Variants in DPYD observed in about 807,000 individuals in gnomAD.
DPYD encodes dihydropyrimidine dehydrogenase [NADP(+)].
In DPYD, 109 loss-of-function variants were observed where a neutral mutation model predicts 116.2. The ratio of observed to expected loss-of-function variants is 0.94; its 90% confidence interval spans 0.80 to 1.10. DPYD has a LOEUF of 1.10. Among genes scored for constraint, DPYD ranks in the 50% least tolerant of loss-of-function variants. The pLI, the probability that DPYD is intolerant of heterozygous loss-of-function variation, is 0.00. For missense variants in DPYD, 1,302 were observed against 1,254.5 expected (o/e 1.04, Z -0.57); for synonymous variants, 440 against 432.0 (o/e 1.02, Z -0.23).
intron 13 of DPYD, among the ~76,000 whole-genome samples, chr1:97,507,606 T>C (rs1256236771): frequency 6.6e-6 from 1 of 152,042 alleles, no homozygotes; most frequent in Non-Finnish European, 1.5e-5. Context: ...TGTATTGTAA[T>C]CCATAGAGAA....
At chr1:97,582,075 T>C (rs1473480961) in intron 10 of DPYD, among the ~76,000 whole-genome samples, 1 of 152,226 alleles carries the variant, frequency 6.6e-6, no homozygotes, top group Non-Finnish European at 1.5e-5. Flanking sequence ...ATTGCTATAG[T>C]AAACAAACCT....
intron 16 of DPYD, among the ~76,000 whole-genome samples, chr1:97,369,132 G>A (rs1471125612): frequency 6.6e-6 from 1 of 152,024 alleles, no homozygotes; most frequent in Non-Finnish European, 1.5e-5. Context: ...AGGAAAAGGG[G>A]AAAACCTCAA....
At chr1:97,856,201 C>G (rs1358994245) in intron 2 of DPYD, 1 of 152,158 alleles carries the variant, frequency 6.6e-6, no homozygotes, top group East Asian at 1.9e-4. Context: ...CAGGAAAACG[C>G]ACACAGAAAG....
At chr1:97,298,135 G>A (rs958441316) in intron 18 of DPYD, among the ~76,000 whole-genome samples, 1 of 152,044 alleles carries the variant, frequency 6.6e-6, no homozygotes, top group East Asian at 1.9e-4. Flanking sequence ...TGCTTAAAGC[G>A]TTTGACATTA....
chr1:97,343,422 T>C (rs996996531), intron 16 of DPYD, among the ~76,000 whole-genome samples: 3 of 152,134 alleles, frequency 2.0e-5, no homozygotes, highest in Non-Finnish European at 4.4e-5. Flanking sequence ...TTTAAAAATA[T>C]GCCTTTTGCT....
intron 13 of DPYD, among the ~76,000 whole-genome samples, chr1:97,481,623 C>A (rs952856): frequency 6.6e-6 from 1 of 152,040 alleles, no homozygotes; most frequent in Non-Finnish European, 1.5e-5. Flanking sequence ...AATACCAAAG[C>A]GTTTTCCTTT....
intron 10 of DPYD, among the ~76,000 whole-genome samples, chr1:97,590,461 G>C (rs1021862074): frequency 2.6e-5 from 4 of 152,188 alleles, no homozygotes; most frequent in African/African-American, 9.6e-5. Flanking sequence ...GTGCTAAACA[G>C]GCGGAAGGTA....
intron 11 of DPYD, among the ~76,000 whole-genome samples, chr1:97,569,354 G>C (rs1380716641): frequency 6.7e-6 from 1 of 150,342 alleles, no homozygotes; most frequent in African/African-American, 2.4e-5. Context: ...ATTGAAAATA[G>C]TGTTTAGCAG....
chr1:97,716,025 C>A (rs1017797142), intron 5 of DPYD, among the ~76,000 whole-genome samples: 26 of 152,018 alleles, frequency 1.7e-4, no homozygotes, highest in Admixed American at 1.6e-3. Context: ...TTTGAGTGAA[C>A]AAGTTCCTTC....
chr1:97,593,951 T>G (rs2102255016), intron 9 of DPYD, among the ~76,000 whole-genome samples: 1 of 152,296 alleles, frequency 6.6e-6, no homozygotes, highest in South Asian at 2.1e-4. Flanking sequence ...TCTTTCTCCC[T>G]TTCACTGCTT....
chr1:97,532,429 T>C (rs1649696152), intron 12 of DPYD, among the ~76,000 whole-genome samples: 1 of 152,152 alleles, frequency 6.6e-6, no homozygotes, highest in African/African-American at 2.4e-5. Context: ...TCTTCTACTT[T>C]TTACAAGCCT....
chr1:97,876,812 G>A (rs1434263420), intron 2 of DPYD, among the ~76,000 whole-genome samples: 1 of 152,008 alleles, frequency 6.6e-6, no homozygotes, highest in Non-Finnish European at 1.5e-5. Context: ...CAGAAAAATT[G>A]AAAGGACTTC....
chr1:97,336,795 G>A lies in DPYD; in HGVS notation c.2059-30498C>T, dbSNP rs975191060. Among the ~76,000 whole-genome samples the A allele has an allele frequency of 2.6e-5, 4 of 152,060 alleles. No homozygotes were observed. The East Asian group carries it at 7.7e-4, about 29-fold the overall frequency. On this transcript the variant is annotated intron_variant, in intron 16 of 22. Transcript: ENST00000370192. Reference sequence around the variant, plus strand: ...TATCAAGGAAAGAGATGTGAATCAGGAGCTAGGAAAGCTGAGTTCTACTTC... The same window carrying A: ...TATCAAGGAAAGAGATGTGAATCAGAAGCTAGGAAAGCTGAGTTCTACTTC...
intron 16 of DPYD, among the ~76,000 whole-genome samples, chr1:97,343,283 T>A (rs1348002785): frequency 1.3e-5 from 2 of 152,158 alleles, no homozygotes; most frequent in South Asian, 2.1e-4. Context: ...CAAACAAAGG[T>A]TAATAATAGT....
intron 20 of DPYD, among the ~76,000 whole-genome samples, chr1:97,183,105 T>A (rs376028412): frequency 0.17 from 25,734 of 151,952 alleles, 2,642 homozygotes; most frequent in Middle Eastern, 0.27. Context: ...CATTTTTCCT[T>A]TCCCCAAGGT....
chr1:97,173,455 GTATA>G (rs565445402), intron 20 of DPYD, among the ~76,000 whole-genome samples: 3 of 131,328 alleles, frequency 2.3e-5, no homozygotes, highest in Non-Finnish European at 3.2e-5. Context: ...TGTAAAATGA[GTATA>G]TATATACACA....
chr1:97,803,730 T>C (rs915479337), intron 3 of DPYD, among the ~76,000 whole-genome samples: 2 of 151,886 alleles, frequency 1.3e-5, no homozygotes, highest in African/African-American at 2.4e-5. Flanking sequence ...TCCTTGTATA[T>C]AAAGCAGTCT....
intron 7 of DPYD, chr1:97,691,195 AT>A (rs1660991738): frequency 6.5e-6 from 1 of 153,084 alleles, no homozygotes; most frequent in African/African-American, 2.4e-5. Flanking sequence ...CTCGAAAAGA[AT>A]AACACAATAT....
At chr1:97,244,291 T>G (rs1662567826) in intron 18 of DPYD, among the ~76,000 whole-genome samples, 1 of 152,048 alleles carries the variant, frequency 6.6e-6, no homozygotes, top group South Asian at 2.1e-4. Flanking sequence ...TTATAAACTA[T>G]AATAAAAGTG....
Sources: gnomAD v4.1 joint callset for allele counts (sites outside exome capture counted in the v4.1 genomes callset) on GRCh38, gnomAD v4.1.1 for gene constraint, MANE v1.5 for transcripts, NCBI Gene and HGNC (gene_info 2026-07-23, HGNC 2026-07-21) for gene names.